Variants in PDZD2 observed in about 807,000 individuals in gnomAD.
PDZD2 encodes the protein PDZ domain-containing protein 2.
Under a neutral mutation model 220.7 loss-of-function variants are expected in PDZD2, and 90 were observed. The observed-to-expected ratio is 0.41, with a 90% CI of 0.34 to 0.49. The LOEUF is 0.49. Among genes scored for constraint, PDZD2 ranks in the 20% least tolerant of loss-of-function variants. PDZD2 has a pLI of 0.28. For missense variants in PDZD2, 3,174 were observed against 3,608.5 expected, an observed-to-expected ratio of 0.88 and a Z score of 3.08; for synonymous variants, 1,375 against 1,450.5, an observed-to-expected ratio of 0.95 and a Z score of 1.18.
intron 1 of PDZD2, among the ~76,000 whole-genome samples, chr5:31,720,027 T>C (rs1580618603): frequency 6.6e-6 from 1 of 152,318 alleles, no homozygotes; most frequent in South Asian, 2.1e-4. Context: ...CTTTCACTCA[T>C]ATCAGTGCCC....
At chr5:31,942,818 A>T (rs1329868633) in intron 2 of PDZD2, among the ~76,000 whole-genome samples, 2 of 152,232 alleles carry the variant, frequency 1.3e-5, no homozygotes, top group Non-Finnish European at 2.9e-5. Flanking sequence ...TGATGTGCTC[A>T]GTTCCATTTT....
chr5:32,097,694 T>C (rs1295777335), intron 22 of PDZD2, among the ~76,000 whole-genome samples: 2 of 152,212 alleles, frequency 1.3e-5, no homozygotes, highest in African/African-American at 4.8e-5. Flanking sequence ...CTTGTGTTTA[T>C]ACAATTACTC....
intron 2 of PDZD2, among the ~76,000 whole-genome samples, chr5:31,945,661 A>ACC (rs1746570962): frequency 6.7e-6 from 1 of 150,100 alleles, no homozygotes. Context: ...CCCTATGGGA[A>ACC]CCCCCTAGGG....
intron 2 of PDZD2, among the ~76,000 whole-genome samples, chr5:31,900,732 T>C (rs1742019521): frequency 6.6e-6 from 1 of 152,166 alleles, no homozygotes; most frequent in Non-Finnish European, 1.5e-5. Context: ...CCAGAAGTCC[T>C]GAAGCCATCT....
In PDZD2 at chr5:32,090,682, C is replaced by T. The variant is rs1230400435; in HGVS notation, c.7234C>T (p.Pro2412Ser). 2 of 1,614,066 alleles carry T rather than the reference C, an allele frequency of 1.2e-6. No individual in the cohort carries two copies. Among genetic ancestry groups the T allele is most frequent in the African/African-American group, 2.7e-5 (2 of 74,934 alleles). The change falls in exon 20 of 25, where the codon CCC becomes TCC. Residue 2412 changes from proline (P) to serine (S), a missense_variant. Physicochemically the swap from Pro to Ser is moderately conservative, Grantham distance 74. Transcript: ENST00000438447. The surrounding 1 kb of genome is among the most constrained non-coding windows in gnomAD (Gnocchi z 4.3). ...ENQSEAGTLL[P>S]QMAKSPSIMT... ...CCAAAGCGAAGCCGGCACCCTCCTG[C>T]CCCAGATGGCCAAGTCTCCCTCAAT...
chr5:31,817,965 ATTTTTT>A (rs368621112), intron 2 of PDZD2, among the ~76,000 whole-genome samples: 3 of 112,254 alleles, frequency 2.7e-5, no homozygotes, highest in African/African-American at 7.2e-5. Context: ...CACCTGGCCA[ATTTTTT>A]TTTTTTTTTT....
intron 1 of PDZD2, among the ~76,000 whole-genome samples, chr5:31,644,207 A>G (rs768062198): frequency 4.6e-5 from 7 of 152,198 alleles, no homozygotes; most frequent in Non-Finnish European, 7.4e-5. Flanking sequence ...GTCTATGTCT[A>G]GATTTGGACC....
chr5:31,871,611 C>A (rs753553380), intron 2 of PDZD2, among the ~76,000 whole-genome samples: 3 of 151,268 alleles, frequency 2.0e-5, no homozygotes, highest in South Asian at 4.2e-4. Flanking sequence ...CCACCATGCC[C>A]GGCTAATTTT....
At chr5:32,001,779 G>A (rs1468697359) in intron 5 of PDZD2, among the ~76,000 whole-genome samples, 1 of 152,208 alleles carries the variant, frequency 6.6e-6, no homozygotes, top group African/African-American at 2.4e-5. Context: ...GATGAGACTA[G>A]GGCAGCGTCT....
At chr5:31,985,742 C>T (rs1750661096) in intron 3 of PDZD2, among the ~76,000 whole-genome samples, 1 of 151,932 alleles carries the variant, frequency 6.6e-6, no homozygotes, top group East Asian at 1.9e-4. Context: ...CTCTGCTTAC[C>T]TTAATTAAAC....
intron 1 of PDZD2, among the ~76,000 whole-genome samples, chr5:31,777,123 C>T (rs1395017859): frequency 3.9e-5 from 6 of 152,124 alleles, no homozygotes; most frequent in Non-Finnish European, 7.4e-5. Flanking sequence ...GGCCAGGAAC[C>T]GGGGCTGTGC....
chr5:31,672,832 C>T (rs923186467), intron 1 of PDZD2, among the ~76,000 whole-genome samples: 33 of 152,102 alleles, frequency 2.2e-4, no homozygotes, highest in Non-Finnish European at 3.2e-4. Flanking sequence ...ACATGAAGGG[C>T]CTAAGGCATA....
At chr5:32,086,796 C>T (rs1420435456) in intron 19 of PDZD2, among the ~76,000 whole-genome samples, 1 of 150,814 alleles carries the variant, frequency 6.6e-6, no homozygotes, top group East Asian at 1.9e-4. Flanking sequence ...CCTGCCTCAG[C>T]CTCCCAAGTA....
chr5:32,048,589 C>A lies in PDZD2; in HGVS notation c.1570C>A (p.Arg524=). 6.2e-7 allele frequency: 1 copy of A among 1,613,598 alleles called. No individual in the cohort carries two copies. Among genetic ancestry groups the A allele is most frequent in the Non-Finnish European group, 8.5e-7 (1 of 1,179,570 alleles). The stretch of plus-strand genomic sequence containing the variant: ...TGAAGAATATAACGAGCTGATGGTG[C>A]GGAATGGGGACCCCCGGATCCGGAT... ...SVEEYNELMV[R]NGDPRIRMLE... is the part of the protein sequence containing the mutation. Residue 524 remains arginine, a synonymous_variant, in exon 8 of 25, where the codon CGG becomes AGG. Transcript: ENST00000438447.
At chr5:31,896,562 C>G (rs1217961670) in intron 2 of PDZD2, among the ~76,000 whole-genome samples, 1 of 152,136 alleles carries the variant, frequency 6.6e-6, no homozygotes, top group Non-Finnish European at 1.5e-5. Context: ...GATATTAAAT[C>G]CAGAGAGACT....
At chr5:31,927,854 G>C (rs1260927441) in intron 2 of PDZD2, among the ~76,000 whole-genome samples, 1 of 152,128 alleles carries the variant, frequency 6.6e-6, no homozygotes, top group Non-Finnish European at 1.5e-5. Context: ...GTGTGTCCTT[G>C]TCTAGGACCC....
At chr5:31,851,294 G>A (rs1758044620) in intron 2 of PDZD2, among the ~76,000 whole-genome samples, 1 of 152,110 alleles carries the variant, frequency 6.6e-6, no homozygotes, top group African/African-American at 2.4e-5. Flanking sequence ...GGAGAAGGGG[G>A]GCACTTCCTT....
intron 15 of PDZD2, 30 bp from the exon 16 acceptor site, chr5:32,071,354 T>A (rs769151705): frequency 1.3e-6 from 2 of 1,548,862 alleles, no homozygotes; most frequent in South Asian, 2.2e-5. Context: ...TTTATTGTTT[T>A]GACAATATGG....
At chr5:31,755,118 G>T (rs767137080) in intron 1 of PDZD2, among the ~76,000 whole-genome samples, 1 of 152,170 alleles carries the variant, frequency 6.6e-6, no homozygotes, top group Non-Finnish European at 1.5e-5. Flanking sequence ...ACTGATGGCC[G>T]CCTTGTGTAG....
Sources: allele counts gnomAD v4.1 joint callset (sites outside exome capture counted in the v4.1 genomes callset), GRCh38; gene constraint gnomAD v4.1.1; non-coding constraint Gnocchi (gnomAD v3.1); transcripts MANE v1.5; gene names NCBI Gene and HGNC (gene_info 2026-07-23, HGNC 2026-07-21).